Variants in PLCL2 observed in about 807,000 individuals in gnomAD.
PLCL2 encodes inactive phospholipase C-like protein 2.
Under a neutral mutation model 79.6 loss-of-function variants are expected in PLCL2, and 4 were observed. That is an observed-to-expected ratio of 0.05 (90% CI 0.02 to 0.11). PLCL2 has a LOEUF of 0.11. PLCL2 is among the 10% of genes least tolerant of loss of function. The pLI is 1.00. For missense variants in PLCL2, 895 were observed against 1,291.0 expected, an observed-to-expected ratio of 0.69 and a Z score of 4.70; for synonymous variants, 484 against 457.7, an observed-to-expected ratio of 1.06 and a Z score of -0.73.
intron 4 of PLCL2, among the ~76,000 whole-genome samples, chr3:17,064,794 T>G (rs1293536783): frequency 1.3e-5 from 2 of 151,826 alleles, no homozygotes; most frequent in African/African-American, 4.8e-5. Context: ...CCACGTGTGG[T>G]GGCACGTGCC....
chr3:16,927,838 T>G (rs1202883511), intron 1 of PLCL2, among the ~76,000 whole-genome samples: 9 of 152,180 alleles, frequency 5.9e-5, no homozygotes, highest in African/African-American at 1.9e-4. Context: ...AAATATTCTG[T>G]TGTCAAATAA....
At chr3:17,056,155 A>G (rs1461419657) in intron 4 of PLCL2, among the ~76,000 whole-genome samples, 1 of 152,192 alleles carries the variant, frequency 6.6e-6, no homozygotes, top group Non-Finnish European at 1.5e-5. Flanking sequence ...GGTCACGAGT[A>G]ACTCTCAGGC....
At chr3:16,967,943 G>T (rs754049445) in intron 1 of PLCL2, among the ~76,000 whole-genome samples, 9 of 152,046 alleles carry the variant, frequency 5.9e-5, no homozygotes, top group African/African-American at 2.2e-4. Context: ...TTTTGCATAT[G>T]GTATAAGGAA....
intron 1 of PLCL2, among the ~76,000 whole-genome samples, chr3:16,944,458 C>T (rs1559493580): frequency 6.7e-6 from 1 of 150,354 alleles, no homozygotes. Flanking sequence ...CTTAGTGCCT[C>T]AGACTGTAAC....
At chr3:17,030,744 T>C (rs1380436623) in intron 3 of PLCL2, among the ~76,000 whole-genome samples, 1 of 152,200 alleles carries the variant, frequency 6.6e-6, no homozygotes, top group African/African-American at 2.4e-5. Context: ...AAAAAAGTAT[T>C]GCTTTTCATT....
chr3:16,977,861 G>A (rs982194739), intron 1 of PLCL2, among the ~76,000 whole-genome samples: 7 of 152,202 alleles, frequency 4.6e-5, no homozygotes, highest in Admixed American at 4.6e-4. Context: ...ATTTAGCAGA[G>A]GTTAGGACTG....
rs1170276473 is a variant in PLCL2, at chr3:16,981,133, AGGGAGAGGGAGACTCGG to A, written c.328-28528_328-28512del. Among the ~76,000 whole-genome samples the A allele has an allele frequency of 6.4e-5, 9 of 140,748 alleles. No homozygotes were observed. The South Asian group carries it at 7.3e-4, about 11-fold the overall frequency. The allele number at this position is 140,748 out of a possible 152,430, so 92.3% of individuals were successfully genotyped here. ...CATCAGAGGGAGACCGTGGAAAGAG[AGGGAGAGGGAGACTCGG>A]GGGAGAGGGAGAGGGAGAGGCAAAT... On this transcript the variant is annotated intron_variant, in intron 1 of 5. Transcript: ENST00000615277.
chr3:16,994,546 T>C (rs978509596), intron 1 of PLCL2, among the ~76,000 whole-genome samples: 56 of 152,358 alleles, frequency 3.7e-4, no homozygotes, highest in African/African-American at 1.3e-3. Flanking sequence ...ATTTGAGATT[T>C]GCTGGAATTT....
intron 1 of PLCL2, among the ~76,000 whole-genome samples, chr3:16,964,355 C>A (rs568209119): frequency 2.6e-5 from 4 of 152,154 alleles, no homozygotes. Context: ...TGAACTCATC[C>A]TTTTTAATGG....
At chr3:17,063,248 T>G (rs112246781) in intron 4 of PLCL2, among the ~76,000 whole-genome samples, 28 of 1,154 alleles carry the variant, frequency 0.024, no homozygotes, top group East Asian at 0.2. Context: ...CTCCCTGCCT[T>G]CCTCCCTTCC....
intron 1 of PLCL2, chr3:16,933,281 C>T (rs1156439054): frequency 1.3e-5 from 2 of 154,806 alleles, no homozygotes; most frequent in Admixed American, 6.5e-5. Context: ...TGTTCAAGAG[C>T]ACTGGAAATT....
chr3:16,908,319 G>T, intron 1 of PLCL2, among the ~76,000 whole-genome samples: 1 of 152,162 alleles, frequency 6.6e-6, no homozygotes, highest in South Asian at 2.1e-4. Flanking sequence ...TATTATATCT[G>T]TAAAATAATA....
chr3:17,045,417 T>C (rs2064770066), intron 4 of PLCL2, among the ~76,000 whole-genome samples: 1 of 152,202 alleles, frequency 6.6e-6, no homozygotes, highest in Non-Finnish European at 1.5e-5. Context: ...ATCTATTTTT[T>C]ACATAGGAAC....
In PLCL2 at chr3:16,904,306, C is replaced by CAAAAAAAAAAAAAAAAAAAAAA. The variant is rs547582289; in HGVS notation, c.327+18951_327+18952insAAAAAAAAAAAAAAAAAAAAAA. Among the ~76,000 whole-genome samples the CAAAAAAAAAAAAAAAAAAAAAA allele has an allele frequency of 1.0e-3, 118 of 116,026 alleles. 2 individuals are homozygous for CAAAAAAAAAAAAAAAAAAAAAA. The highest frequency in any genetic ancestry group is 4.1e-3 in the South Asian group (15 of 3,638). 76.1% of individuals were successfully genotyped at this position (116,026 alleles called of 152,430 possible). ...CCTTAACCTTTTCAAGAGATCTTGACAAAAAAAAAAAGCAAACTTTGGAGT... is the reference window on the plus strand; with the variant it reads ...CCTTAACCTTTTCAAGAGATCTTGACAAAAAAAAAAAAAAAAAAAAAAAAAAAAAAAAAGCAAACTTTGGAGT... On this transcript the variant is annotated intron_variant, in intron 1 of 5. Transcript: ENST00000615277.
At chr3:16,903,060 A>G (rs1159477604) in intron 1 of PLCL2, among the ~76,000 whole-genome samples, 3 of 152,138 alleles carry the variant, frequency 2.0e-5, no homozygotes, top group Admixed American at 2.0e-4. Context: ...TTCGTAGGAA[A>G]GGTCTTATAA....
At chr3:17,002,758 C>T (rs1442144883) in intron 1 of PLCL2, among the ~76,000 whole-genome samples, 1 of 151,972 alleles carries the variant, frequency 6.6e-6, no homozygotes, top group Non-Finnish European at 1.5e-5. Context: ...CTTAGATGCT[C>T]TGTTTTGTTT....
rs1696261203 is a variant in PLCL2, at chr3:16,887,921, G to A, written c.327+2555G>A. Among the ~76,000 whole-genome samples, 1 of 152,114 alleles carries A rather than the reference G, an allele frequency of 6.6e-6. No individual in the cohort carries two copies. Among genetic ancestry groups the A allele is most frequent in the Admixed American group, 6.5e-5 (1 of 15,274 alleles). On this transcript the variant is annotated intron_variant, in intron 1 of 5. Transcript: ENST00000615277. The surrounding 1 kb of genome is among the most constrained non-coding windows in gnomAD (Gnocchi z 4.1). ...AATGCAGTCAGGTGGTCTCTGAGTA[G>A]AGGCAGGAGTAGATTAGTAAGCAAG...
intron 1 of PLCL2, among the ~76,000 whole-genome samples, chr3:16,898,873 TGAG>T (rs1696551204): frequency 1.3e-5 from 2 of 150,642 alleles, no homozygotes; most frequent in Non-Finnish European, 3.0e-5. Context: ...CTAGATAACA[TGAG>T]GAGATTGCTT....
At chr3:17,042,341 G>A (rs1361253165) in intron 3 of PLCL2, among the ~76,000 whole-genome samples, 3 of 152,068 alleles carry the variant, frequency 2.0e-5, no homozygotes, top group African/African-American at 7.2e-5. Context: ...ACCATTAATA[G>A]GAACATAAAA....
Sources: gnomAD v4.1 joint callset for allele counts (sites outside exome capture counted in the v4.1 genomes callset) on GRCh38, gnomAD v4.1.1 for gene constraint, Gnocchi (gnomAD v3.1) non-coding constraint, MANE v1.5 for transcripts, NCBI Gene and HGNC (gene_info 2026-07-23, HGNC 2026-07-21) for gene names.